Variants in ZNF573 observed in about 807,000 individuals in gnomAD.
The protein encoded by ZNF573 is zinc finger protein 573.
A neutral mutation model predicts 57.4 loss-of-function variants in ZNF573; 41 were observed. That is an observed-to-expected ratio of 0.71 (90% CI 0.56 to 0.93). The LOEUF is 0.93. Among genes scored for constraint, ZNF573 ranks in the 40% least tolerant of loss-of-function variants. The pLI is 0.00. For synonymous variants in ZNF573, 249 were observed against 261.0 expected, an observed-to-expected ratio of 0.95 and a Z score of 0.44; for missense variants, 730 against 794.8, an observed-to-expected ratio of 0.92 and a Z score of 0.98.
chr19:37,763,362 C>G (rs1436693236), intron 4 of ZNF573, among the ~76,000 whole-genome samples: 1 of 151,616 alleles, frequency 6.6e-6, no homozygotes, highest in Admixed American at 6.6e-5. Context: ...GTGGGCAGAT[C>G]ACTTGAGGTC....
At chr19:37,754,519 C>CAA (rs11316334) in intron 4 of ZNF573, among the ~76,000 whole-genome samples, 26 of 85,564 alleles carry the variant, frequency 3.0e-4, no homozygotes, top group Middle Eastern at 6.9e-3. Context: ...GACTCCACCT[C>CAA]AAAAAAAAAA....
At chr19:37,758,206 T>A (rs374246833) in intron 4 of ZNF573, among the ~76,000 whole-genome samples, 2,191 of 4,464 alleles carry the variant, frequency 0.49, 256 homozygotes, top group Non-Finnish European at 0.55. Context: ...TAATAAAATA[T>A]ATATATATAT....
rs2045641435 is a variant in ZNF573, at chr19:37,770,098, C to T, written c.203-1G>A. On this transcript the variant is annotated splice_acceptor_variant, in intron 3 of 4. Transcript: ENST00000536220. LOFTEE classifies it high-confidence loss of function. The stretch of plus-strand genomic sequence containing the variant: ...ACTGGTTTAGAAATGGAATGTCCTC[C>T]TTATAAGAAAAGAAATGCCACATGG... 6.5e-7 allele frequency: 1 copy of T among 1,541,702 alleles called. No homozygotes were observed. The highest frequency in any genetic ancestry group is 2.5e-5 in the East Asian group (1 of 40,748).
intron 4 of ZNF573, among the ~76,000 whole-genome samples, chr19:37,767,292 G>A (rs537221906): frequency 4.0e-5 from 6 of 151,886 alleles, no homozygotes; most frequent in East Asian, 3.9e-4. Flanking sequence ...GCAGTGGCGC[G>A]ATCTCGGCAA....
Position 37,773,695 on chromosome 19 carries a change from A to G in ZNF573, c.35T>C (p.Leu12Pro), listed in dbSNP as rs2145335141. The stretch of plus-strand genomic sequence containing the variant: ...GGTTTTAGAATTGTAAGACCTGATC[A>G]GTCCTACTTGGTGGGGTTCCAATAC... ...FPVLEPHQVG[L>P]IRSYNSKTMT... is the part of the protein sequence containing the mutation. Residue 12 changes from leucine to proline, a missense_variant, in exon 2 of 5, where the codon CTG becomes CCG. By Grantham distance (98) the Leu-to-Pro change is moderately conservative (BLOSUM62 -3). Transcript: ENST00000536220. The G allele has an allele frequency of 6.5e-7, 1 of 1,535,906 alleles. No individual in the cohort carries two copies. The highest frequency in any genetic ancestry group is 8.7e-7 in the Non-Finnish European group (1 of 1,146,756).
intron 4 of ZNF573, among the ~76,000 whole-genome samples, chr19:37,763,888 A>C (rs2045575596): frequency 6.6e-6 from 1 of 151,852 alleles, no homozygotes; most frequent in Non-Finnish European, 1.5e-5. Context: ...ACATGGAGAA[A>C]CCCCATCTCT....
chr19:37,768,197 T>G (rs1308937093), intron 4 of ZNF573, among the ~76,000 whole-genome samples: 1 of 152,244 alleles, frequency 6.6e-6, no homozygotes, highest in Non-Finnish European at 1.5e-5. Context: ...TGTTGTTCTC[T>G]GAATCTGTCT....
At chr19:37,775,262 C>T (rs1251540694) in intron 1 of ZNF573, among the ~76,000 whole-genome samples, 1 of 152,104 alleles carries the variant, frequency 6.6e-6, no homozygotes, top group Non-Finnish European at 1.5e-5. Flanking sequence ...AAGAGATCCT[C>T]CCTCCTAGGC....
intron 1 of ZNF573, among the ~76,000 whole-genome samples, chr19:37,774,459 T>C (rs1006482479): frequency 1.3e-5 from 2 of 151,992 alleles, no homozygotes; most frequent in African/African-American, 4.8e-5. Flanking sequence ...GAACCTCTTC[T>C]ATGGCATCAG....
At chr19:37,771,151 T>C (rs1331187344) in intron 3 of ZNF573, among the ~76,000 whole-genome samples, 1 of 151,540 alleles carries the variant, frequency 6.6e-6, no homozygotes, top group East Asian at 1.9e-4. Context: ...TCAGAGTAAA[T>C]CATGAATCTG....
At chr19:37,752,830 C>T (rs1373213183) in intron 4 of ZNF573, among the ~76,000 whole-genome samples, 2 of 152,056 alleles carry the variant, frequency 1.3e-5, no homozygotes, top group Non-Finnish European at 2.9e-5. Flanking sequence ...AGACAGGATC[C>T]TACTATGTTG....
At chr19:37,757,987 A>G (rs746534657) in intron 4 of ZNF573, among the ~76,000 whole-genome samples, 13 of 151,282 alleles carry the variant, frequency 8.6e-5, no homozygotes, top group Non-Finnish European at 1.8e-4. Context: ...GGTGGGAATT[A>G]AACAATGAGA....
At chr19:37,762,432 C>A (rs1438356739) in intron 4 of ZNF573, among the ~76,000 whole-genome samples, 1 of 151,976 alleles carries the variant, frequency 6.6e-6, no homozygotes, top group Non-Finnish European at 1.5e-5. Context: ...GTAATGTGGG[C>A]AAAGGGTTAA....
intron 4 of ZNF573, among the ~76,000 whole-genome samples, chr19:37,745,597 T>C (rs1318275585): frequency 1.3e-5 from 2 of 151,978 alleles, no homozygotes; most frequent in Non-Finnish European, 2.9e-5. Flanking sequence ...GGTTTCACCA[T>C]GTTGGACAGG....
intron 4 of ZNF573, among the ~76,000 whole-genome samples, chr19:37,756,000 G>A (rs1421723761): frequency 1.3e-5 from 2 of 152,146 alleles, no homozygotes; most frequent in Non-Finnish European, 2.9e-5. Context: ...AGGTTAACAC[G>A]CTAACCTGTA....
chr19:37,766,920 C>T (rs1482409406), intron 4 of ZNF573, among the ~76,000 whole-genome samples: 3 of 152,152 alleles, frequency 2.0e-5, no homozygotes. Flanking sequence ...AAGCTAATGG[C>T]GTTTGCTCAT....
chr19:37,755,673 G>A (rs1287767317), intron 4 of ZNF573, among the ~76,000 whole-genome samples: 2 of 151,678 alleles, frequency 1.3e-5, no homozygotes, highest in African/African-American at 4.8e-5. Context: ...AAATACTGAA[G>A]AGATCAAAAA....
At chr19:37,767,675 G>A (rs1453079268) in intron 4 of ZNF573, among the ~76,000 whole-genome samples, 2 of 152,134 alleles carry the variant, frequency 1.3e-5, no homozygotes, top group Non-Finnish European at 2.9e-5. Context: ...TATAAGCTCT[G>A]GACTCAGATA....
chr19:37,767,513 G>T (rs969272783), intron 4 of ZNF573, among the ~76,000 whole-genome samples: 1 of 152,126 alleles, frequency 6.6e-6, no homozygotes, highest in Admixed American at 6.6e-5. Context: ...GATTACAGGC[G>T]TGAGCCACCA....
Sources: allele counts gnomAD v4.1 joint callset (sites outside exome capture counted in the v4.1 genomes callset), GRCh38; gene constraint gnomAD v4.1.1; transcripts MANE v1.5; gene names NCBI Gene and HGNC (gene_info 2026-07-23, HGNC 2026-07-21).